NRG3: variants seen among roughly 807,000 people sequenced by gnomAD.
NRG3 encodes pro-neuregulin-3, membrane-bound isoform.
NRG3 carries 31 observed loss-of-function variants against 66.9 expected under a neutral mutation model. That is an observed-to-expected ratio of 0.46 (90% CI 0.35 to 0.63). NRG3 has a LOEUF of 0.63. Ranked by LOEUF, NRG3 falls within the 20% of genes least tolerant of loss-of-function variation. The pLI is 0.00. For missense variants in NRG3, 910 were observed against 878.9 expected (o/e 1.04, Z -0.45); for synonymous variants, 393 against 359.4 (o/e 1.09, Z -1.06).
chr10:82,891,626 G>T (rs1843154627), intron 4 of NRG3, among the ~76,000 whole-genome samples: 2 of 151,910 alleles, frequency 1.3e-5, no homozygotes, highest in South Asian at 4.2e-4. Flanking sequence ...TATATATTGA[G>T]TTTATAGCTA....
chr10:82,052,954 G>A (rs2063668831), intron 1 of NRG3, among the ~76,000 whole-genome samples: 1 of 151,966 alleles, frequency 6.6e-6, no homozygotes, highest in Non-Finnish European at 1.5e-5. Flanking sequence ...CTAAGAGCAA[G>A]TAATTTACCA....
chr10:82,049,244 G>C (rs551653527), intron 1 of NRG3, among the ~76,000 whole-genome samples: 1 of 152,022 alleles, frequency 6.6e-6, no homozygotes, highest in Non-Finnish European at 1.5e-5. Flanking sequence ...TGCAAAGATT[G>C]CTGCCTTATT....
intron 2 of NRG3, among the ~76,000 whole-genome samples, chr10:82,610,050 G>A (rs1380718040): frequency 6.6e-6 from 1 of 152,142 alleles, no homozygotes; most frequent in Non-Finnish European, 1.5e-5. Flanking sequence ...CTTCCTGATG[G>A]CTGCAGGGCT....
At chr10:82,647,287 G>A (rs1036639461) in intron 2 of NRG3, among the ~76,000 whole-genome samples, 27 of 152,206 alleles carry the variant, frequency 1.8e-4, no homozygotes, top group Middle Eastern at 3.4e-3. Context: ...AGTTTACTGA[G>A]GATGATGATT....
intron 1 of NRG3, among the ~76,000 whole-genome samples, chr10:82,081,350 A>G (rs191957323): frequency 3.9e-5 from 6 of 152,310 alleles, no homozygotes; most frequent in East Asian, 3.9e-4. Context: ...AGGACTTTAC[A>G]TAGACAGAAA....
At chr10:82,509,993 C>T (rs971177551) in intron 2 of NRG3, among the ~76,000 whole-genome samples, 11 of 152,136 alleles carry the variant, frequency 7.2e-5, no homozygotes, top group African/African-American at 2.2e-4. Context: ...CCCTGCACTT[C>T]CCTCCCTGTG....
At chr10:82,720,402 T>G (rs2057225494) in intron 2 of NRG3, among the ~76,000 whole-genome samples, 1 of 151,560 alleles carries the variant, frequency 6.6e-6, no homozygotes, top group Non-Finnish European at 1.5e-5. Context: ...AACTAACAAA[T>G]TAATAATAAA....
At chr10:82,044,562 A>T (rs1025924350) in intron 1 of NRG3, among the ~76,000 whole-genome samples, 4 of 151,794 alleles carry the variant, frequency 2.6e-5, no homozygotes, top group Non-Finnish European at 4.4e-5. Flanking sequence ...TAACGAAATA[A>T]TTTTTTTTAA....
At chr10:82,210,204 T>A (rs1189940801) in intron 1 of NRG3, among the ~76,000 whole-genome samples, 1 of 152,170 alleles carries the variant, frequency 6.6e-6, no homozygotes, top group Non-Finnish European at 1.5e-5. Flanking sequence ...GATACAGAGT[T>A]AATATTACCT....
At chr10:82,601,423 A>C (rs780822836) in intron 2 of NRG3, among the ~76,000 whole-genome samples, 2 of 152,184 alleles carry the variant, frequency 1.3e-5, no homozygotes, top group African/African-American at 2.4e-5. Flanking sequence ...CAGGCAAATA[A>C]CTTTTTCATG....
At chr10:82,598,307 A>G (rs1165354195) in intron 2 of NRG3, among the ~76,000 whole-genome samples, 2 of 152,244 alleles carry the variant, frequency 1.3e-5, no homozygotes, top group African/African-American at 4.8e-5. Flanking sequence ...AGCAATCCAA[A>G]TAAGTTTAAT....
intron 2 of NRG3, among the ~76,000 whole-genome samples, chr10:82,392,898 A>ATAT (rs781243048): frequency 4.0e-5 from 6 of 150,128 alleles, no homozygotes; most frequent in African/African-American, 1.5e-4. Flanking sequence ...ATATATATAT[A>ATAT]TTTTTTGCAG....
chr10:82,646,996 C>G (rs1268061254), intron 2 of NRG3, among the ~76,000 whole-genome samples: 1 of 133,946 alleles, frequency 7.5e-6, no homozygotes, highest in Non-Finnish European at 1.6e-5. Context: ...TTTTTATGTT[C>G]TCTTTTTTAA....
At chr10:82,683,951 G>A (rs2054308016) in intron 2 of NRG3, among the ~76,000 whole-genome samples, 2 of 152,156 alleles carry the variant, frequency 1.3e-5, no homozygotes, top group Non-Finnish European at 1.5e-5. Context: ...GGTGCTATTT[G>A]CCTGCATGCT....
At chr10:82,978,641 G>C (rs1316706968) in intron 7 of NRG3, among the ~76,000 whole-genome samples, 2 of 152,186 alleles carry the variant, frequency 1.3e-5, no homozygotes, top group African/African-American at 2.4e-5. Context: ...TGAGGAGCTT[G>C]AGAATTCCTT....
chr10:82,359,952 T>C (rs942241529), intron 2 of NRG3, among the ~76,000 whole-genome samples: 4 of 152,192 alleles, frequency 2.6e-5, no homozygotes, highest in African/African-American at 9.7e-5. Flanking sequence ...GGAAGATGTA[T>C]TGCCACACTG....
At chr10:82,658,524 G>T (rs1056988360) in intron 2 of NRG3, among the ~76,000 whole-genome samples, 3 of 151,292 alleles carry the variant, frequency 2.0e-5, no homozygotes, top group African/African-American at 7.3e-5. Context: ...ATTCAGAATT[G>T]TGAATCTCAA....
At position 81,876,058 on chromosome 10, in the gene NRG3, C is replaced by G. The variant is rs756309470; in HGVS notation, c.718C>G (p.Pro240Ala). The change falls in exon 1 of 9, where the codon CCC becomes GCC. Residue 240 changes from proline (P) to alanine (A), a missense_variant. Transcript: ENST00000372141. ...CTCCTCCTACCTTCACGATTCTACT[C>G]CCTCCTGGACCCTGTCTCCCTTTCA... ...ATSSYLHDSTPSWTLSPFQDA... is the reference protein window; with the variant it reads ...ATSSYLHDSTASWTLSPFQDA... 22 of 1,613,810 alleles carry G rather than the reference C, an allele frequency of 1.4e-5. 1 individual carries two copies. In the Admixed American group the frequency reaches 3.7e-4, roughly 27 times the overall value.
intron 3 of NRG3, among the ~76,000 whole-genome samples, chr10:82,846,979 G>A (rs993432056): frequency 6.6e-6 from 1 of 152,198 alleles, no homozygotes; most frequent in Admixed American, 6.5e-5. Flanking sequence ...TTTTTCTGAA[G>A]TTGTGGGAAG....
Sources: gnomAD v4.1 joint callset for allele counts (sites outside exome capture counted in the v4.1 genomes callset) on GRCh38, gnomAD v4.1.1 for gene constraint, MANE v1.5 for transcripts, NCBI Gene and HGNC (gene_info 2026-07-23, HGNC 2026-07-21) for gene names.